The following KCTD21 variants were observed in gnomAD, a reference collection of about 807,000 sequenced individuals.
KCTD21 encodes the protein BTB/POZ domain-containing protein KCTD21.
In KCTD21, 9 loss-of-function variants were observed where a neutral mutation model predicts 13.2. The ratio of observed to expected loss-of-function variants is 0.68; its 90% CI spans 0.41 to 1.19. The LOEUF (loss-of-function observed/expected upper bound fraction) is 1.19. Among genes scored for constraint, KCTD21 ranks in the 50% most tolerant of loss-of-function variants. The pLI is 0.01. For missense variants in KCTD21, 303 were observed against 336.5 expected (o/e 0.90, Z 0.78); for synonymous variants, 142 against 137.4 (o/e 1.03, Z -0.23).
rs149136449 is a variant in KCTD21 at position 78,178,380 on chromosome 11, G to A, written c.-29-3797C>T. The stretch of plus-strand genomic sequence containing the variant: ...CTTGACTTTGTGATCTGCCCGCCTC[G>A]GCCTCCCAAAGTGCTGGGATTACAG... On this transcript the variant is annotated intron_variant, in intron 1 of 1. Transcript: ENST00000340067. Among the ~76,000 whole-genome samples the A allele has an allele frequency of 8.6e-3, 1,303 of 152,124 alleles. 15 individuals are homozygous for A. The highest frequency in any genetic ancestry group is 0.03 in the African/African-American group (1,252 of 41,484).
At chr11:78,174,840 C>T (rs1229269330) in intron 1 of KCTD21, 2 of 341,206 alleles carry the variant, frequency 5.9e-6, no homozygotes, top group South Asian at 6.6e-5. Context: ...GTCCCCCGCG[C>T]CCCCCTCTGC....
chr11:78,186,083 G>A (rs976934325), intron 1 of KCTD21, among the ~76,000 whole-genome samples: 1 of 151,852 alleles, frequency 6.6e-6, no homozygotes, highest in African/African-American at 2.4e-5. Context: ...TGGGCAGAAA[G>A]AACTGGAGAC....
At chr11:78,187,435 CAGG>C (rs1171648661) in intron 1 of KCTD21, 21 of 985,276 alleles carry the variant, frequency 2.1e-5, no homozygotes, top group Admixed American at 6.1e-5. Context: ...GCGCAAAAGG[CAGG>C]AGGAGAGAAA....
At position 78,174,474 on chromosome 11, in the gene KCTD21, G is replaced by A. The variant is rs2136990076; in HGVS notation, c.81C>T (p.Ser27=). The A allele has an allele frequency of 6.2e-7, 1 of 1,614,154 alleles. No individual in the cohort carries two copies. The highest frequency in any genetic ancestry group is 1.6e-4 in the Middle Eastern group (1 of 6,062). The change falls in exon 2 of 2, where the codon TCC becomes TCT. Residue 27 remains serine (S), a synonymous_variant. Transcript: ENST00000340067. ...TCCCGCTGAACATGGCGCCTAGCAT[G>A]GAGTCAGGGAAGCTGGTCAGGGTCG... is the stretch of plus-strand genomic sequence containing the variant. The part of the protein sequence containing the change: ...SLATLTSFPD[S]MLGAMFSGKM...
Position 78,173,839 on chromosome 11 carries a change from T to C in KCTD21, c.716A>G (p.Asp239Gly). ...KIALSDGFCI[D>G]SSHPHALDFM... Reference sequence around the variant, plus strand: ...ATCCAGAGCATGTGGGTGAGAAGAATCGATGCAGAAGCCATCGCTCAGAGC... The same window carrying C: ...ATCCAGAGCATGTGGGTGAGAAGAACCGATGCAGAAGCCATCGCTCAGAGC... Residue 239 changes from aspartate (D) to glycine (G), a missense_variant, in exon 2 of 2, where the codon GAT (aspartate) becomes GGT (glycine). Transcript: ENST00000340067. 1 of 1,614,146 alleles carries C rather than the reference T, an allele frequency of 6.2e-7. No homozygotes were observed. Among genetic ancestry groups the C allele is most frequent in the Non-Finnish European group, 8.5e-7 (1 of 1,180,026 alleles).
In KCTD21 at chr11:78,173,904, G is replaced by C. The variant is rs1181576164; in HGVS notation, c.651C>G (p.Ile217Met). 5.0e-6 allele frequency: 8 copies of C among 1,614,216 alleles called. No individual in the cohort carries two copies. Among genetic ancestry groups the C allele is most frequent in the Non-Finnish European group, 6.8e-6 (8 of 1,180,042 alleles). Residue 217 changes from isoleucine (I) to methionine (M), a missense_variant, in exon 2 of 2, where the codon ATC becomes ATG. Ile to Met is a conservative substitution (Grantham distance 10, BLOSUM62 1). Transcript: ENST00000340067. ...RLWVVPANKQ[I>M]NSFQVFVEEV... ...CTTCCACGAAGACCTGGAAGCTGTT[G>C]ATCTGCTTGTTGGCGGGCACCACCC...
Position 78,174,257 on chromosome 11 carries a change from C to G in KCTD21, c.298G>C (p.Glu100Gln). 1 of 1,614,070 alleles carries G rather than the reference C, an allele frequency of 6.2e-7. No homozygotes were observed. Among genetic ancestry groups the G allele is most frequent in the South Asian group, 1.1e-5 (1 of 91,072 alleles). Residue 100 changes from glutamate (E) to glutamine (Q), a missense_variant, in exon 2 of 2, where the codon GAA becomes CAA. Glu to Gln is a conservative substitution (Grantham distance 29, BLOSUM62 2). Coordinates refer to ENST00000340067, the MANE Select transcript of KCTD21 (RefSeq NM_001029859.3). ...TTCTCGGCCTTGGAGAGCTCCACTT[C>G]CTTCTCCTGCAGGGCCTCAATCAGG... ...QPLIEALQEK[E>Q]VELSKAEKNA...
chr11:78,182,181 A>G (rs1265813975), intron 1 of KCTD21, among the ~76,000 whole-genome samples: 1 of 152,150 alleles, frequency 6.6e-6, no homozygotes, highest in Non-Finnish European at 1.5e-5. Context: ...TAATAGCTAT[A>G]GGAACTTCTT....
intron 1 of KCTD21, chr11:78,188,276 C>A: frequency 1.0e-6 from 1 of 984,808 alleles, no homozygotes; most frequent in Non-Finnish European, 1.2e-6. Flanking sequence ...CTCCTTGCCC[C>A]ACCCACCAAG....
At chr11:78,184,754 A>AT (rs142580084) in intron 1 of KCTD21, among the ~76,000 whole-genome samples, 1,968 of 116,520 alleles carry the variant, frequency 0.017, 24 homozygotes, top group Admixed American at 0.056. Context: ...GGCAATTAGA[A>AT]TTTTTTTTTT....
chr11:78,174,828 G>C (rs1207564838), intron 1 of KCTD21: 2 of 375,344 alleles, frequency 5.3e-6, no homozygotes, highest in Non-Finnish European at 4.8e-6. Context: ...CCTAAAGCCT[G>C]GGTCCCCCGC....
intron 1 of KCTD21, among the ~76,000 whole-genome samples, chr11:78,175,728 TA>T (rs1330743785): frequency 6.6e-6 from 1 of 152,214 alleles, no homozygotes; most frequent in Non-Finnish European, 1.5e-5. Flanking sequence ...CTGTTTTTTT[TA>T]AATTTTTTTA....
chr11:78,188,584 G>A lies in KCTD21; in HGVS notation c.-41C>T. ...CGTGCCGCACCCACCTCCTGCCCTCGCTCTGCAGCCTCTCCCTCCGCGAGC... is the reference window on the plus strand; with the variant it reads ...CGTGCCGCACCCACCTCCTGCCCTCACTCTGCAGCCTCTCCCTCCGCGAGC... On this transcript the variant is annotated 5_prime_UTR_variant, in exon 1 of 2. Transcript: ENST00000340067. The A allele has an allele frequency of 1.0e-6, 1 of 985,542 alleles. No homozygotes were observed. 61.0% of individuals were successfully genotyped at this position (985,542 alleles called of 1,614,324 possible). A position where few individuals can be genotyped will look rare whatever the true frequency, so the allele number is the denominator to read the frequency against.
chr11:78,174,483 G>T lies in KCTD21; in HGVS notation c.72C>A (p.Phe24Leu), dbSNP rs1862386303. The T allele has an allele frequency of 6.2e-7, 1 of 1,614,048 alleles. No homozygotes were observed. The highest frequency in any genetic ancestry group is 1.3e-5 in the African/African-American group (1 of 74,918). The change falls in exon 2 of 2, where the codon TTC becomes TTA. Residue 24 changes from phenylalanine (F) to leucine (L), a missense_variant. By Grantham distance (22) the Phe-to-Leu change is conservative (BLOSUM62 0). Coordinates refer to ENST00000340067, the MANE Select transcript of KCTD21 (RefSeq NM_001029859.3). ...YTTSLATLTS[F>L]PDSMLGAMFS... The stretch of plus-strand genomic sequence containing the variant: ...ACATGGCGCCTAGCATGGAGTCAGG[G>T]AAGCTGGTCAGGGTCGCCAGTGAGG...
At chr11:78,183,269 T>C (rs111399694) in intron 1 of KCTD21, among the ~76,000 whole-genome samples, 7,265 of 152,078 alleles carry the variant, frequency 0.048, 524 homozygotes, top group African/African-American at 0.16. Flanking sequence ...GGTGCGGTAG[T>C]TCATGCCTGT....
chr11:78,187,749 G>C (rs1290403464), intron 1 of KCTD21: 4 of 985,320 alleles, frequency 4.1e-6, no homozygotes, highest in Middle Eastern at 5.2e-4. Context: ...CGGAAGGGTT[G>C]GGGGGACTGG....
chr11:78,177,940 C>A (rs1213586582), intron 1 of KCTD21: 2 of 152,196 alleles, frequency 1.3e-5, no homozygotes, highest in Non-Finnish European at 2.9e-5. Context: ...AGCAGAGCAC[C>A]TGCTTTCCTG....
intron 1 of KCTD21, among the ~76,000 whole-genome samples, chr11:78,181,089 G>C (rs1862603938): frequency 6.6e-6 from 1 of 152,182 alleles, no homozygotes. Flanking sequence ...AAATTAGCCA[G>C]TCTGGGGTAT....
chr11:78,174,685 G>A (rs548557129), intron 1 of KCTD21, 102 bp from the exon 2 acceptor site: 63 of 774,624 alleles, frequency 8.1e-5, no homozygotes, highest in African/African-American at 4.0e-4. Flanking sequence ...CCTTGGGATC[G>A]AAATGAATTA....
Sources: gnomAD v4.1 joint callset for allele counts (sites outside exome capture counted in the v4.1 genomes callset) on GRCh38, gnomAD v4.1.1 for gene constraint, MANE v1.5 for transcripts, NCBI Gene and HGNC (gene_info 2026-07-23, HGNC 2026-07-21) for gene names.